The following DPF2 variants were observed in gnomAD, a reference collection of about 807,000 sequenced individuals.
DPF2 encodes the protein zinc finger protein ubi-d4.
Under a neutral mutation model 59.6 loss-of-function variants are expected in DPF2, and 10 were observed. The observed-to-expected ratio is 0.17, with a 90% CI of 0.10 to 0.28. The LOEUF is 0.28. Ranked by LOEUF, DPF2 falls within the 10% of genes least tolerant of loss-of-function variation. The probability of loss-of-function intolerance (pLI) is 1.00; values close to 1 mark genes in which losing one functional copy is unlikely to be tolerated. For missense variants in DPF2, 315 were observed against 509.4 expected (o/e 0.62, Z 3.67); for synonymous variants, 189 against 190.6 (o/e 0.99, Z 0.07).
Position 65,352,012 on chromosome 11 carries a change from C to T in DPF2, c.*253C>T. On this transcript the variant is annotated 3_prime_UTR_variant, in exon 11 of 11. Transcript: ENST00000528416. ...TGTGGCCCAGTTTCTCTCTGCTCTC[C>T]ATTAAGTGCATTCACTCTGCTTGCC... 2 of 532,564 alleles carry T rather than the reference C, an allele frequency of 3.8e-6. No homozygotes were observed. The highest frequency in any genetic ancestry group is 3.2e-5 in the East Asian group (1 of 31,328). 33.0% of individuals were successfully genotyped at this position (532,564 alleles called of 1,614,324 possible).
intron 5 of DPF2, 74 bp from the exon 6 acceptor site, chr11:65,343,917 G>C: frequency 1.2e-6 from 2 of 1,606,444 alleles, no homozygotes; most frequent in Non-Finnish European, 1.7e-6. Context: ...TGAGATTAGC[G>C]GCCACTTCCA....
chr11:65,351,633 A>C (rs1165888522), intron 10 of DPF2, 50 bp from the exon 11 acceptor site: 2 of 1,517,308 alleles, frequency 1.3e-6, no homozygotes, highest in South Asian at 2.2e-5. Context: ...AATTGCAAGC[A>C]GGTGGGGATT....
chr11:65,348,198 T>C (rs1485305479), intron 9 of DPF2: 1 of 152,186 alleles, frequency 6.6e-6, no homozygotes, highest in Non-Finnish European at 1.5e-5. Context: ...GGTGGGAGGA[T>C]TGCTTGAACC....
At chr11:65,338,837 C>T (rs577831743) in intron 1 of DPF2, among the ~76,000 whole-genome samples, 3 of 152,228 alleles carry the variant, frequency 2.0e-5, no homozygotes, top group Admixed American at 6.5e-5. Flanking sequence ...TGGTGTAGCC[C>T]GAGTTACGGA....
Position 65,348,903 on chromosome 11 carries a change from C to G in DPF2, c.1071C>G (p.Leu357=). 1 of 1,614,220 alleles carries G rather than the reference C, an allele frequency of 6.2e-7. No individual in the cohort carries two copies. Among genetic ancestry groups the G allele is most frequent in the Non-Finnish European group, 8.5e-7 (1 of 1,180,046 alleles). Residue 357 remains leucine, a synonymous_variant, in exon 10 of 11, where the codon CTC becomes CTG. Transcript: ENST00000528416. The part of the protein sequence containing the change: ...DCDRGYHMYC[L]TPSMSEPPEG... ...ATCGTGGCTACCACATGTACTGTCTCACCCCGTCCATGTCTGAGCCCCCTG... is the reference window on the plus strand; with the variant it reads ...ATCGTGGCTACCACATGTACTGTCTGACCCCGTCCATGTCTGAGCCCCCTG...
chr11:65,337,574 C>T (rs1307394374), intron 1 of DPF2, among the ~76,000 whole-genome samples: 3 of 122,790 alleles, frequency 2.4e-5, no homozygotes, highest in African/African-American at 9.2e-5. Context: ...CTTGACATTT[C>T]TTGGTATCGG....
intron 2 of DPF2, 131 bp from the exon 3 acceptor site, chr11:65,340,835 C>G (rs1565531590): frequency 2.1e-6 from 2 of 953,554 alleles, no homozygotes; most frequent in East Asian, 5.3e-5. Flanking sequence ...CACCTAACCC[C>G]CTAGGCCCTC....
chr11:65,350,332 GTTTTGTTTTC>G (rs1448713993), intron 10 of DPF2, among the ~76,000 whole-genome samples: 1 of 148,748 alleles, frequency 6.7e-6, no homozygotes, highest in African/African-American at 2.5e-5. Flanking sequence ...CTTGCAAGCT[GTTTTGTTTTC>G]TTTTCTTTTC....
At chr11:65,344,912 C>G (rs924478546) in intron 6 of DPF2, 29 of 401,152 alleles carry the variant, frequency 7.2e-5, no homozygotes, top group Non-Finnish European at 1.2e-4. Context: ...CGCTCCCTCC[C>G]CAGACCAGGC....
In DPF2 at chr11:65,348,870, T is replaced by C. The variant is rs1305309232; in HGVS notation, c.1038T>C (p.Asp346=). ...SENDDQLLFC[D]DCDRGYHMYC... ...TTCAGGACCAGTTGCTCTTCTGTGATGACTGCGATCGTGGCTACCACATGT... is the reference window on the plus strand; with the variant it reads ...TTCAGGACCAGTTGCTCTTCTGTGACGACTGCGATCGTGGCTACCACATGT... The change falls in exon 10 of 11, where the codon GAT becomes GAC. Residue 346 remains aspartate (D), a synonymous_variant. Coordinates refer to ENST00000528416, the MANE Select transcript of DPF2 (RefSeq NM_006268.5). The C allele has an allele frequency of 1.2e-6, 2 of 1,614,210 alleles. No homozygotes were observed. The highest frequency in any genetic ancestry group is 1.1e-5 in the South Asian group (1 of 91,084).
At chr11:65,349,608 A>G (rs1029900365) in intron 10 of DPF2, among the ~76,000 whole-genome samples, 4 of 152,172 alleles carry the variant, frequency 2.6e-5, no homozygotes, top group Non-Finnish European at 5.9e-5. Context: ...ATCCTGGCTA[A>G]CACGGTGAAA....
At chr11:65,338,239 G>A (rs1054572877) in intron 1 of DPF2, among the ~76,000 whole-genome samples, 2 of 152,180 alleles carry the variant, frequency 1.3e-5, no homozygotes, top group Non-Finnish European at 2.9e-5. Context: ...GAGCTACTGT[G>A]CCCGGCCTCC....
At chr11:65,345,529 G>C in intron 6 of DPF2, 137 bp from the exon 7 acceptor site, 1 of 1,273,800 alleles carries the variant, frequency 7.9e-7, no homozygotes, top group Non-Finnish European at 1.1e-6. Flanking sequence ...CGTCACTCAA[G>C]GCCTGTCCCA....
At chr11:65,334,969 T>G (rs1472185933) in intron 1 of DPF2, among the ~76,000 whole-genome samples, 1 of 152,156 alleles carries the variant, frequency 6.6e-6, no homozygotes, top group Admixed American at 6.5e-5. Context: ...CCACTCTTCC[T>G]AAGAGCCTTT....
intron 1 of DPF2, among the ~76,000 whole-genome samples, chr11:65,337,621 A>ATTTTTTTT (rs1854237889): frequency 6.7e-6 from 1 of 148,576 alleles, no homozygotes; most frequent in South Asian, 2.2e-4. Context: ...TTTTGTTTTA[A>ATTTTTTTT]GAGACAGAGC....
At chr11:65,342,779 G>A (rs866449224) in intron 4 of DPF2, among the ~76,000 whole-genome samples, 53 of 152,030 alleles carry the variant, frequency 3.5e-4, no homozygotes, top group African/African-American at 9.6e-4. Flanking sequence ...TTGGGAGGCC[G>A]AGGCAGGCGG....
chr11:65,341,687 G>A (rs1854379302), intron 4 of DPF2, 125 bp downstream of exon 4: 2 of 1,332,858 alleles, frequency 1.5e-6, no homozygotes, highest in Non-Finnish European at 1.0e-6. Flanking sequence ...CTGCAGTTCT[G>A]TTCTTACTTC....
intron 5 of DPF2, 23 bp from the exon 6 acceptor site, chr11:65,343,968 T>C (rs564113928): frequency 1.2e-6 from 2 of 1,613,828 alleles, no homozygotes; most frequent in African/African-American, 2.7e-5. Context: ...AAAATAAGGG[T>C]GTCTCTTTGC....
In DPF2 at chr11:65,351,876, G is replaced by A; in HGVS notation, c.*117G>A. ...CTTCACAAATCCAGAGAACCTTGGG[G>A]TGGTTGTGCCAGCCTGCCTTTGGCA... On this transcript the variant is annotated 3_prime_UTR_variant, in exon 11 of 11. Coordinates refer to ENST00000528416, the MANE Select transcript of DPF2 (RefSeq NM_006268.5). 1 of 1,230,030 alleles carries A rather than the reference G, an allele frequency of 8.1e-7. No homozygotes were observed. The highest frequency in any genetic ancestry group is 1.1e-6 in the Non-Finnish European group (1 of 871,704). The allele number at this position is 1,230,030 out of a possible 1,614,324, so 76.2% of individuals were successfully genotyped here.
Sources: allele counts gnomAD v4.1 joint callset (sites outside exome capture counted in the v4.1 genomes callset), GRCh38; gene constraint gnomAD v4.1.1; transcripts MANE v1.5; gene names NCBI Gene and HGNC (gene_info 2026-07-23, HGNC 2026-07-21).